Variants in LMX1A observed in about 807,000 individuals in gnomAD.
LMX1A encodes LIM homeobox transcription factor 1-alpha.
LMX1A carries 15 observed loss-of-function variants against 49.1 expected under a neutral mutation model. The observed-to-expected ratio is 0.31, with a 90% CI of 0.20 to 0.47. LMX1A has a LOEUF of 0.47. Among genes scored for constraint, LMX1A ranks in the 20% least tolerant of loss-of-function variants. The probability of loss-of-function intolerance (pLI) is 1.00; values close to 1 mark genes in which losing one functional copy is unlikely to be tolerated. For synonymous variants in LMX1A, 167 were observed against 185.7 expected (o/e 0.90, Z 0.82); for missense variants, 372 against 475.8 (o/e 0.78, Z 2.03).
At chr1:165,341,705 C>T (rs1314612195) in intron 3 of LMX1A, among the ~76,000 whole-genome samples, 1 of 151,896 alleles carries the variant, frequency 6.6e-6, no homozygotes, top group African/African-American at 2.4e-5. Context: ...TCCCTGTGGC[C>T]ATGCCTTTCT....
At chr1:165,213,515 G>C (rs1029442702) in intron 5 of LMX1A, 126 bp downstream of exon 5, 2 of 865,998 alleles carry the variant, frequency 2.3e-6, no homozygotes, top group Non-Finnish European at 3.6e-6. Flanking sequence ...AGCCGCCTGT[G>C]CAGGCTCTGT....
intron 4 of LMX1A, among the ~76,000 whole-genome samples, chr1:165,249,173 G>A (rs1279374376): frequency 6.6e-6 from 1 of 152,164 alleles, no homozygotes; most frequent in Non-Finnish European, 1.5e-5. Context: ...AAGTGTTTAT[G>A]GTTGTATGCC....
chr1:165,350,084 T>C (rs1656375923), intron 3 of LMX1A, among the ~76,000 whole-genome samples: 1 of 150,734 alleles, frequency 6.6e-6, no homozygotes, highest in Admixed American at 6.6e-5. Flanking sequence ...TGCTCCCTAA[T>C]TTACCATCAA....
Position 165,231,509 on chromosome 1 carries a change from C to T in LMX1A, c.497-17696G>A, listed in dbSNP as rs1652241081. Among the ~76,000 whole-genome samples, 3 of 152,118 alleles carry T rather than the reference C, an allele frequency of 2.0e-5. No homozygotes were observed. In the South Asian group the frequency reaches 6.2e-4, roughly 32 times the overall value. ...TTGTTGCCCAGGCTGGTCTGGAACT[C>T]CTGGCTTCAAGTGACCTTCCAGCCT... is the stretch of plus-strand genomic sequence containing the variant. On this transcript the variant is annotated intron_variant, in intron 4 of 8. Transcript: ENST00000342310.
At chr1:165,232,664 C>G (rs1652277471) in intron 4 of LMX1A, among the ~76,000 whole-genome samples, 1 of 152,218 alleles carries the variant, frequency 6.6e-6, no homozygotes, top group African/African-American at 2.4e-5. Flanking sequence ...TTCATACACA[C>G]AGATCCAAAC....
At chr1:165,209,034 T>A (rs983454652) in intron 6 of LMX1A, among the ~76,000 whole-genome samples, 4 of 152,132 alleles carry the variant, frequency 2.6e-5, no homozygotes, top group Admixed American at 2.0e-4. Context: ...ATACTTTGAG[T>A]GTGTGTATGT....
chr1:165,299,211 A>C (rs1654707056), intron 3 of LMX1A, among the ~76,000 whole-genome samples: 1 of 152,210 alleles, frequency 6.6e-6, no homozygotes, highest in Admixed American at 6.5e-5. Flanking sequence ...CGTCAGTATA[A>C]ATTTAAGCCA....
intron 4 of LMX1A, among the ~76,000 whole-genome samples, chr1:165,224,367 A>G (rs912269743): frequency 6.6e-6 from 1 of 152,198 alleles, no homozygotes; most frequent in African/African-American, 2.4e-5. Context: ...GAACAGACTA[A>G]TACAGCAAAA....
At chr1:165,242,848 T>C (rs1652703272) in intron 4 of LMX1A, among the ~76,000 whole-genome samples, 1 of 148,632 alleles carries the variant, frequency 6.7e-6, no homozygotes, top group Non-Finnish European at 1.5e-5. Flanking sequence ...GAGAATGGCG[T>C]GAACCCGGCA....
chr1:165,261,332 C>T (rs1407819705), intron 3 of LMX1A, among the ~76,000 whole-genome samples: 1 of 152,148 alleles, frequency 6.6e-6, no homozygotes, highest in Non-Finnish European at 1.5e-5. Context: ...CTTCCATCCA[C>T]TAAAAACTGG....
intron 3 of LMX1A, among the ~76,000 whole-genome samples, chr1:165,281,355 G>A (rs1377939631): frequency 1.3e-5 from 2 of 152,200 alleles, no homozygotes; most frequent in Non-Finnish European, 2.9e-5. Flanking sequence ...CTAAAGCACA[G>A]ACCAGGGCTT....
intron 3 of LMX1A, among the ~76,000 whole-genome samples, chr1:165,279,465 G>T (rs1184366680): frequency 7.5e-6 from 1 of 132,798 alleles, no homozygotes; most frequent in Admixed American, 8.0e-5. Context: ...CTTGAGAGAA[G>T]ATCCAAGAGA....
intron 2 of LMX1A, among the ~76,000 whole-genome samples, chr1:165,353,490 G>A (rs1656497320): frequency 6.6e-6 from 1 of 152,128 alleles, no homozygotes. Context: ...GCGGGGGAGG[G>A]TATAGAAATC....
chr1:165,267,938 TGACA>T (rs1213447065), intron 3 of LMX1A, among the ~76,000 whole-genome samples: 1 of 152,118 alleles, frequency 6.6e-6, no homozygotes, highest in Non-Finnish European at 1.5e-5. Flanking sequence ...AGAAATTGAG[TGACA>T]GACAGAGGGG....
rs1012677760 is a variant in LMX1A at position 165,283,132 on chromosome 1, T to G, written c.264-33492A>C. Among the ~76,000 whole-genome samples, 7 of 151,900 alleles carry G rather than the reference T, an allele frequency of 4.6e-5. No homozygotes were observed. The East Asian group carries it at 7.8e-4, about 17-fold the overall frequency. ...TGTAGACAATGGTGGACCCATAAAA[T>G]TATAATACCATATTTTTACTGTACC... On this transcript the variant is annotated intron_variant, in intron 3 of 8. Transcript: ENST00000342310.
intron 3 of LMX1A, among the ~76,000 whole-genome samples, chr1:165,326,258 G>A (rs1317309401): frequency 1.3e-5 from 2 of 152,208 alleles, no homozygotes; most frequent in Non-Finnish European, 2.9e-5. Flanking sequence ...TGCCTGAGCT[G>A]TCACTGAGTC....
chr1:165,221,648 A>C (rs1651849243), intron 4 of LMX1A, among the ~76,000 whole-genome samples: 1 of 152,134 alleles, frequency 6.6e-6, no homozygotes. Context: ...TTCAGCTCAG[A>C]CGTCCAGGCA....
chr1:165,227,314 G>A (rs555651373), intron 4 of LMX1A, among the ~76,000 whole-genome samples: 12 of 152,062 alleles, frequency 7.9e-5, no homozygotes, highest in Non-Finnish European at 1.6e-4. Context: ...AAGGCGGGTG[G>A]ATCACTTGAG....
At position 165,210,746 on chromosome 1, in the gene LMX1A, G is replaced by T; in HGVS notation, c.700C>A (p.Leu234Met). The T allele has an allele frequency of 6.2e-7, 1 of 1,613,950 alleles. No individual in the cohort carries two copies. The highest frequency in any genetic ancestry group is 8.5e-7 in the Non-Finnish European group (1 of 1,179,910). The change falls in exon 6 of 9, where the codon CTG (leucine) becomes ATG (methionine). Residue 234 changes from leucine (L) to methionine (M), a missense_variant. Transcript: ENST00000342310. ...CACACCTGGACGACACGGACACTCA[G>T]CCCTGTCTCTGCAGCCAGAGTCTCT... ...VRETLAAETG[L>M]SVRVVQVWFQ...
Sources: allele counts gnomAD v4.1 joint callset (sites outside exome capture counted in the v4.1 genomes callset), GRCh38; gene constraint gnomAD v4.1.1; transcripts MANE v1.5; gene names NCBI Gene and HGNC (gene_info 2026-07-23, HGNC 2026-07-21).